TXLNA: variants seen among roughly 807,000 people sequenced by gnomAD.
The protein encoded by TXLNA is alpha-taxilin.
Under a neutral mutation model 61.4 loss-of-function variants are expected in TXLNA, and 9 were observed. The ratio of observed to expected loss-of-function variants is 0.15; its 90% CI spans 0.09 to 0.26. TXLNA has a LOEUF of 0.26. TXLNA is among the 10% of genes least tolerant of loss of function. TXLNA has a pLI of 1.00. For synonymous variants in TXLNA, 257 were observed against 267.7 expected, an observed-to-expected ratio of 0.96 and a Z score of 0.39; for missense variants, 565 against 688.8, an observed-to-expected ratio of 0.82 and a Z score of 2.01.
Position 32,195,851 on chromosome 1 carries a change from G to T in TXLNA, c.*656G>T. On this transcript the variant is annotated 3_prime_UTR_variant, in exon 11 of 11. Coordinates refer to ENST00000373610, the MANE Select transcript of TXLNA (RefSeq NM_175852.4). ...TTCCCCTGCCCTTTGGTAGTGCCAG[G>T]ACCAGGCCAATGATGCTTCTCAGTA... 2 of 452,642 alleles carry T rather than the reference G, an allele frequency of 4.4e-6. No individual in the cohort carries two copies. The highest frequency in any genetic ancestry group is 3.1e-5 in the South Asian group (2 of 63,962). The allele number at this position is 452,642 out of a possible 1,614,324, so 28.0% of individuals were successfully genotyped here.
chr1:32,180,761 C>A (rs1186250296), intron 2 of TXLNA, among the ~76,000 whole-genome samples: 2 of 152,218 alleles, frequency 1.3e-5, no homozygotes, highest in African/African-American at 4.8e-5. Flanking sequence ...AACGAGGCAC[C>A]CAGTCAGGAA....
rs1643006026 is a variant in TXLNA, at chr1:32,195,738, G to A, written c.*543G>A. On this transcript the variant is annotated 3_prime_UTR_variant, in exon 11 of 11. Coordinates refer to ENST00000373610, the MANE Select transcript of TXLNA (RefSeq NM_175852.4). ...AGGCAGAGCCCTGGCAGGGCGCTCA[G>A]AGCTGGGGATTTCCTGCCTGGAACA... is the stretch of plus-strand genomic sequence containing the variant. The A allele has an allele frequency of 2.2e-6, 1 of 456,298 alleles. No homozygotes were observed. Among genetic ancestry groups the A allele is most frequent in the South Asian group, 1.5e-5 (1 of 64,580 alleles). The allele number at this position is 456,298 out of a possible 1,614,324, so 28.3% of individuals were successfully genotyped here.
intron 4 of TXLNA, among the ~76,000 whole-genome samples, chr1:32,184,876 A>AT (rs1642747601): frequency 6.6e-6 from 1 of 152,260 alleles, no homozygotes; most frequent in Non-Finnish European, 1.5e-5. Context: ...CCTGAGTCCA[A>AT]GACACCTTGT....
chr1:32,195,321 A>T lies in TXLNA; in HGVS notation c.*126A>T. ...TGTTCTGACCTGGCTGGCATCTGGC[A>T]CTTGCAATTTTGGATTTTGTGGGTC... On this transcript the variant is annotated 3_prime_UTR_variant, in exon 11 of 11. Coordinates refer to ENST00000373610, the MANE Select transcript of TXLNA (RefSeq NM_175852.4). The T allele has an allele frequency of 8.4e-7, 1 of 1,196,434 alleles. No homozygotes were observed. The highest frequency in any genetic ancestry group is 1.2e-6 in the Non-Finnish European group (1 of 868,356). The allele number at this position is 1,196,434 out of a possible 1,614,324, so 74.1% of individuals were successfully genotyped here.
At chr1:32,183,760 C>CA (rs1188483393) in intron 3 of TXLNA, among the ~76,000 whole-genome samples, 4 of 129,804 alleles carry the variant, frequency 3.1e-5, no homozygotes, top group African/African-American at 1.2e-4. Flanking sequence ...TTTTTTTAGA[C>CA]AGAGTCTCGC....
rs1642962748 is a variant in TXLNA, at chr1:32,194,070, T to C, written c.1257T>C (p.Thr419=). 6.2e-7 allele frequency: 1 copy of C among 1,612,880 alleles called. No individual in the cohort carries two copies. Among genetic ancestry groups the C allele is most frequent in the South Asian group, 1.1e-5 (1 of 90,878 alleles). Residue 419 remains threonine, a synonymous_variant, in exon 10 of 11, where the codon ACT becomes ACC. Coordinates refer to ENST00000373610, the MANE Select transcript of TXLNA (RefSeq NM_175852.4). ...CTGTCTGTCACATAACCTAGATGACTAAGAAGATCAAGAAGCTGGAGAAAG... is the reference window on the plus strand; with the variant it reads ...CTGTCTGTCACATAACCTAGATGACCAAGAAGATCAAGAAGCTGGAGAAAG... The part of the protein sequence containing the change: ...TTFKQEMEKM[T]KKIKKLEKET...
chr1:32,195,496 T>C lies in TXLNA; in HGVS notation c.*301T>C, dbSNP rs778621264. 38 of 522,528 alleles carry C rather than the reference T, an allele frequency of 7.3e-5. No homozygotes were observed. The highest frequency in any genetic ancestry group is 1.3e-4 in the Non-Finnish European group (37 of 288,496). 32.4% of individuals were successfully genotyped at this position (522,528 alleles called of 1,614,324 possible). A position where few individuals can be genotyped will look rare whatever the true frequency, so the allele number is the denominator to read the frequency against. The stretch of plus-strand genomic sequence containing the variant: ...AAGAGTCTTGAGAGGGGCTGTCATC[T>C]GTAGCTGCCATCACAGTGAGTTGGC... On this transcript the variant is annotated 3_prime_UTR_variant, in exon 11 of 11. Coordinates refer to ENST00000373610, the MANE Select transcript of TXLNA (RefSeq NM_175852.4).
chr1:32,183,994 C>A lies in TXLNA; in HGVS notation c.506-531C>A, dbSNP rs968850279. On this transcript the variant is annotated intron_variant, in intron 3 of 10. Coordinates refer to ENST00000373610, the MANE Select transcript of TXLNA (RefSeq NM_175852.4). ...CCTCGTGATCCGCCTGCCTCGGCCTCCCAAAGTGCTGGGATTACAGGCATG... is the reference window on the plus strand; with the variant it reads ...CCTCGTGATCCGCCTGCCTCGGCCTACCAAAGTGCTGGGATTACAGGCATG... Among the ~76,000 whole-genome samples the A allele has an allele frequency of 2.6e-5, 4 of 152,180 alleles. No homozygotes were observed. In the South Asian group the frequency reaches 6.2e-4, roughly 24 times the overall value.
chr1:32,182,305 T>A (rs947069357), intron 3 of TXLNA, among the ~76,000 whole-genome samples: 1 of 152,104 alleles, frequency 6.6e-6, no homozygotes, highest in African/African-American at 2.4e-5. Flanking sequence ...GAAGGCTCCC[T>A]GACTCAGTCA....
Position 32,193,284 on chromosome 1 carries a change from A to AAT in TXLNA, c.1235_1236insAT (p.Gln413CysfsTer7), listed in dbSNP as rs1475426880. On this transcript the variant is annotated frameshift_variant, in exon 9 of 11. Coordinates refer to ENST00000373610, the MANE Select transcript of TXLNA (RefSeq NM_175852.4). LOFTEE classifies it high-confidence loss of function. ...AGCAGCGAGGTATTCACCACATTCA[A>AAT]GCAGGAGATGGAAAAGGTAACTGTG... 1 of 1,613,232 alleles carries AAT rather than the reference A, an allele frequency of 6.2e-7. No homozygotes were observed. The highest frequency in any genetic ancestry group is 2.2e-5 in the East Asian group (1 of 44,826).
rs1643011966 is a variant in TXLNA at position 32,195,952 on chromosome 1, G to A, written c.*757G>A. 5.4e-6 allele frequency: 1 copy of A among 184,116 alleles called. No homozygotes were observed. The highest frequency in any genetic ancestry group is 1.2e-5 in the Non-Finnish European group (1 of 86,060). 11.4% of individuals were successfully genotyped at this position (184,116 alleles called of 1,614,324 possible). ...GATCACCCAAAGGATTATTTCTGAA[G>A]GTGTTTTTTTCTTTATTTCTTTTTC... On this transcript the variant is annotated 3_prime_UTR_variant, in exon 11 of 11. Coordinates refer to ENST00000373610, the MANE Select transcript of TXLNA (RefSeq NM_175852.4).
chr1:32,188,048 A>G lies in TXLNA; in HGVS notation c.692A>G (p.His231Arg), dbSNP rs1281190155. 1.2e-6 allele frequency: 2 copies of G among 1,605,992 alleles called. No homozygotes were observed. Among genetic ancestry groups the G allele is most frequent in the Non-Finnish European group, 1.7e-6 (2 of 1,176,290 alleles). ...VQEKDHLRGE[H>R]SKAVLARSKL... The stretch of plus-strand genomic sequence containing the variant: ...GAGAAGGACCACCTGCGCGGTGAGC[A>G]CAGCAAGGCCGTCCTGGCCCGCAGC... The change falls in exon 5 of 11, where the codon CAC becomes CGC. Residue 231 changes from histidine (H) to arginine (R), a missense_variant. His to Arg is a conservative substitution (Grantham distance 29). Transcript: ENST00000373610.
rs186353303 is a variant in TXLNA at position 32,197,728 on chromosome 1, T to G, written c.*2533T>G. The G allele has an allele frequency of 6.6e-6, 1 of 152,396 alleles. No homozygotes were observed. Among genetic ancestry groups the G allele is most frequent in the African/African-American group, 2.4e-5 (1 of 41,600 alleles). 9.4% of individuals were successfully genotyped at this position (152,396 alleles called of 1,614,324 possible). A position where few individuals can be genotyped will look rare whatever the true frequency, so the allele number is the denominator to read the frequency against. ...ACAGCAGGTGAAGCTCAAGAGCGCATGGCTCTGCTAATAGTAAATTGTTTT... is the reference window on the plus strand; with the variant it reads ...ACAGCAGGTGAAGCTCAAGAGCGCAGGGCTCTGCTAATAGTAAATTGTTTT... On this transcript the variant is annotated 3_prime_UTR_variant, in exon 11 of 11. Coordinates refer to ENST00000373610, the MANE Select transcript of TXLNA (RefSeq NM_175852.4). The surrounding 1 kb of genome is among the most constrained non-coding windows in gnomAD (Gnocchi z 4.6).
At position 32,187,903 on chromosome 1, in the gene TXLNA, C is replaced by T. The variant is rs145904302; in HGVS notation, c.598-51C>T. On this transcript the variant is annotated intron_variant, in intron 4 of 10. Transcript: ENST00000373610. ...CTAGACCTGCATAGTGATCCCCCCA[C>T]CAGGAAGGCCCCACAAGATGCTCAC... is the stretch of plus-strand genomic sequence containing the variant. 361 of 1,587,366 alleles carry T rather than the reference C, an allele frequency of 2.3e-4. 5 individuals are homozygous for T. In the East Asian group the frequency reaches 8.1e-3, roughly 35 times the overall value.
intron 5 of TXLNA, 119 bp downstream of exon 5, chr1:32,188,243 A>G (rs1297740771): frequency 5.7e-6 from 6 of 1,058,804 alleles, no homozygotes; most frequent in African/African-American, 4.8e-5. Flanking sequence ...AGTGGCACAC[A>G]TAAGTGATTA....
intron 5 of TXLNA, among the ~76,000 whole-genome samples, chr1:32,188,481 T>C (rs1642836236): frequency 6.6e-6 from 1 of 151,926 alleles, no homozygotes; most frequent in Non-Finnish European, 1.5e-5. Flanking sequence ...CTACTAAAAA[T>C]ACAAAAATTA....
chr1:32,193,035 G>T lies in TXLNA; in HGVS notation c.1159-173G>T, dbSNP rs570809509. On this transcript the variant is annotated intron_variant, in intron 8 of 10. Transcript: ENST00000373610. ...GTCACCCTAAGTCTCCTACTTTCCA[G>T]GCTTAGCATTTTGGATTATATCCTT... is the stretch of plus-strand genomic sequence containing the variant. Among the ~76,000 whole-genome samples the T allele has an allele frequency of 1.1e-3, 164 of 152,164 alleles. 1 individual carries two copies. Among genetic ancestry groups the T allele is most frequent in the Non-Finnish European group, 2.0e-3 (137 of 67,994 alleles).
rs775852111 is a variant in TXLNA, at chr1:32,184,508, G to T, written c.506-17G>T. The T allele has an allele frequency of 1.9e-6, 3 of 1,586,402 alleles. No homozygotes were observed. In the South Asian group the frequency reaches 3.3e-5, roughly 18 times the overall value. On this transcript the variant is annotated splice_polypyrimidine_tract_variant and intron_variant, in intron 3 of 10. Transcript: ENST00000373610. ...CCTGGAGAAGAGGGTGCATGTCTTTGCTCCTGTGCTTTTCAGGGAAGGAGA... is the reference window on the plus strand; with the variant it reads ...CCTGGAGAAGAGGGTGCATGTCTTTTCTCCTGTGCTTTTCAGGGAAGGAGA...
At chr1:32,193,948 G>A in intron 9 of TXLNA, 117 bp from the exon 10 acceptor site, 1 of 757,864 alleles carries the variant, frequency 1.3e-6, no homozygotes, top group Non-Finnish European at 2.2e-6. Context: ...GTAATGCCTT[G>A]CGCCTTGGGA....
Sources: gnomAD v4.1 joint callset for allele counts (sites outside exome capture counted in the v4.1 genomes callset) on GRCh38, gnomAD v4.1.1 for gene constraint, Gnocchi (gnomAD v3.1) non-coding constraint, MANE v1.5 for transcripts, NCBI Gene and HGNC (gene_info 2026-07-23, HGNC 2026-07-21) for gene names.